Variants in ZNF705A observed in about 807,000 individuals in gnomAD.
ZNF705A encodes zinc finger protein 705A.
ZNF705A carries 8 observed loss-of-function variants against 16.6 expected under a neutral mutation model. That is an observed-to-expected ratio of 0.48 (90% CI 0.28 to 0.87). ZNF705A has a LOEUF of 0.87. Ranked by LOEUF, ZNF705A falls within the 40% of genes least tolerant of loss-of-function variation. The pLI is 0.10. For missense variants in ZNF705A, 233 were observed against 359.9 expected (o/e 0.65, Z 2.85); for synonymous variants, 73 against 117.3 (o/e 0.62, Z 2.44).
chr12:8,157,132 T>C (rs184280236), intron 1 of ZNF705A, 40 bp downstream of exon 1: 2 of 397,526 alleles, frequency 5.0e-6, no homozygotes, highest in Admixed American at 8.8e-5. Context: ...CCTGTTCTAA[T>C]GTCCACATTC....
chr12:8,163,249 A>G (rs1259485208), intron 1 of ZNF705A, among the ~76,000 whole-genome samples: 1 of 152,230 alleles, frequency 6.6e-6, no homozygotes, highest in Admixed American at 6.5e-5. Flanking sequence ...AATCATTACT[A>G]TGCAGAAAAT....
intron 1 of ZNF705A, among the ~76,000 whole-genome samples, chr12:8,158,263 C>T (rs534903871): frequency 7.9e-5 from 12 of 151,988 alleles, no homozygotes; most frequent in Non-Finnish European, 1.5e-4. Flanking sequence ...TTTTATTACC[C>T]GCAAAGTTCT....
rs745726985 is a variant in ZNF705A, at chr12:8,177,247, G to A, written c.567G>A (p.Arg189=). 28 of 1,611,634 alleles carry A rather than the reference G, an allele frequency of 1.7e-5. No homozygotes were observed. The African/African-American group carries it at 3.2e-4, about 18-fold the overall frequency. Residue 189 remains arginine (R), a synonymous_variant, in exon 5 of 5, where the codon CGG becomes CGA. Transcript: ENST00000359286. ...ATACTAATTGCTTTCGCCTTAGACG[G>A]CACAAGATGACTCACACTGGAGAGA...
upstream of ZNF705A, among the ~76,000 whole-genome samples, chr12:8,167,780 G>A (rs536077128): frequency 2.0e-5 from 3 of 152,172 alleles, no homozygotes; most frequent in African/African-American, 4.8e-5. Flanking sequence ...GAAAGAACTC[G>A]ACTGAAGGGC....
chr12:8,159,495 G>A (rs1047472513), intron 1 of ZNF705A, among the ~76,000 whole-genome samples: 2 of 151,986 alleles, frequency 1.3e-5, no homozygotes, highest in African/African-American at 4.8e-5. Flanking sequence ...TTTCTTTATG[G>A]CCATTCTTTC....
At chr12:8,166,344 C>A (rs1435516115) in intron 1 of ZNF705A, among the ~76,000 whole-genome samples, 7 of 152,192 alleles carry the variant, frequency 4.6e-5, no homozygotes, top group Admixed American at 4.6e-4. Context: ...TGTGTCCCCG[C>A]CCAAATCTCA....
At chr12:8,166,290 C>A (rs1948398503) in intron 1 of ZNF705A, among the ~76,000 whole-genome samples, 1 of 152,228 alleles carries the variant, frequency 6.6e-6, no homozygotes, top group South Asian at 2.1e-4. Context: ...CTTTTCCATA[C>A]ATCTTTAGAG....
chr12:8,177,372 A>G (rs1948494243), exon 5 of ZNF705A: 1 of 1,611,946 alleles, frequency 6.2e-7, no homozygotes, highest in Non-Finnish European at 8.5e-7. Context: ...TATAAGTGTC[A>G]TCAATGTGGG....
At chr12:8,165,520 T>TA (rs200863977) in intron 1 of ZNF705A, among the ~76,000 whole-genome samples, 5,718 of 147,818 alleles carry the variant, frequency 0.039, 151 homozygotes, top group Non-Finnish European at 0.063. Context: ...TTTGCCCATT[T>TA]AAAAAAAAAA....
chr12:8,172,847 G>T (rs59495395), intron 1 of ZNF705A, among the ~76,000 whole-genome samples: 24 of 152,084 alleles, frequency 1.6e-4, no homozygotes, highest in African/African-American at 5.3e-4. Flanking sequence ...GACTCTAGGT[G>T]GGGTATCGTG....
intron 1 of ZNF705A, among the ~76,000 whole-genome samples, chr12:8,164,440 T>C (rs1310021629): frequency 2.0e-5 from 3 of 152,230 alleles, no homozygotes; most frequent in Non-Finnish European, 2.9e-5. Flanking sequence ...CACTGAATAA[T>C]ATTCCATTGC....
exon 5 of ZNF705A, chr12:8,179,359 A>G (rs777285820): frequency 6.6e-6 from 1 of 152,276 alleles, no homozygotes; most frequent in South Asian, 2.1e-4. Flanking sequence ...AGCCTTTCCT[A>G]TATTCGATTC....
At chr12:8,170,196 C>CGAAAA (rs1565415078), upstream of ZNF705A, among the ~76,000 whole-genome samples, 4 of 126,502 alleles carry the variant, frequency 3.2e-5, no homozygotes, top group Admixed American at 7.8e-5. Context: ...CCCCCCCCCC[C>CGAAAA]AAAAAAAAAA....
chr12:8,177,147 T>C (rs1249770461), exon 5 of ZNF705A: 2 of 1,611,956 alleles, frequency 1.2e-6, no homozygotes, highest in Non-Finnish European at 8.5e-7. Context: ...CTTCGTAATC[T>C]TTTCTCCCCT....
At chr12:8,157,230 C>T in intron 1 of ZNF705A, 138 bp downstream of exon 1, 1 of 392,086 alleles carries the variant, frequency 2.6e-6, no homozygotes, top group Non-Finnish European at 4.5e-6. Flanking sequence ...ACTTAATAGG[C>T]TGAAATGACA....
upstream of ZNF705A, among the ~76,000 whole-genome samples, chr12:8,169,485 C>T (rs1335588827): frequency 6.6e-6 from 1 of 152,140 alleles, no homozygotes; most frequent in African/African-American, 2.4e-5. Context: ...ATCTATTCTC[C>T]TTTACTCTGT....
At chr12:8,168,746 T>C (rs1948420619), upstream of ZNF705A, 1 of 152,204 alleles carries the variant, frequency 6.6e-6, no homozygotes, top group African/African-American at 2.4e-5. Context: ...CAGAAAATCG[T>C]GTTGGGCATG....
chr12:8,179,371 A>G (rs952162814), exon 5 of ZNF705A: 2 of 152,210 alleles, frequency 1.3e-5, no homozygotes, highest in African/African-American at 4.8e-5. Context: ...ATTCGATTCA[A>G]TGTACTTTTC....
chr12:8,172,854 C>T (rs747693714), intron 1 of ZNF705A, among the ~76,000 whole-genome samples: 1 of 152,112 alleles, frequency 6.6e-6, no homozygotes, highest in Admixed American at 6.5e-5. Context: ...GGTGGGGTAT[C>T]GTGTGTCAAA....
Sources: allele counts gnomAD v4.1 joint callset (sites outside exome capture counted in the v4.1 genomes callset), GRCh38; gene constraint gnomAD v4.1.1; transcripts MANE v1.5; gene names NCBI Gene and HGNC (gene_info 2026-07-23, HGNC 2026-07-21).